WNT2: variants seen among roughly 807,000 people sequenced by gnomAD.
WNT2 encodes the protein Wnt family member 2, also known as protein Wnt-2.
A neutral mutation model predicts 36.9 loss-of-function variants in WNT2; 12 were observed. The ratio of observed to expected loss-of-function variants is 0.33; its 90% CI spans 0.21 to 0.53. The LOEUF is 0.53. Among genes scored for constraint, WNT2 ranks in the 20% least tolerant of loss-of-function variants. The pLI is 0.95. For missense variants in WNT2, 379 were observed against 473.1 expected, an observed-to-expected ratio of 0.80 and a Z score of 1.84; for synonymous variants, 163 against 174.6, an observed-to-expected ratio of 0.93 and a Z score of 0.52.
At chr7:117,286,677 T>C (rs1328777291) in intron 4 of WNT2, among the ~76,000 whole-genome samples, 1 of 152,136 alleles carries the variant, frequency 6.6e-6, no homozygotes, top group Non-Finnish European at 1.5e-5. Context: ...AACTAAAGTA[T>C]GTTAAAGAGC....
chr7:117,316,005 C>T (rs982350537), intron 2 of WNT2, among the ~76,000 whole-genome samples: 12 of 152,186 alleles, frequency 7.9e-5, no homozygotes, highest in East Asian at 1.9e-4. Context: ...ATGCAATATC[C>T]TTGAGTTACA....
rs1794387418 is a variant in WNT2, at chr7:117,276,785, A to G, written c.*1370T>C. 6.6e-6 allele frequency: 1 copy of G among 152,156 alleles called. No homozygotes were observed. Among genetic ancestry groups the G allele is most frequent in the Admixed American group, 6.5e-5 (1 of 15,272 alleles). The allele number at this position is 152,156 out of a possible 1,614,324, so 9.4% of individuals were successfully genotyped here. On this transcript the variant is annotated 3_prime_UTR_variant, in exon 5 of 5. Coordinates refer to ENST00000265441, the MANE Select transcript of WNT2 (RefSeq NM_003391.3). ...AAAAAACGGTGCAGGCAGCCTCTCC[A>G]TTTTCCCTGAATGTCATCTTTTGGC...
chr7:117,315,998 C>G (rs775487295), intron 2 of WNT2, among the ~76,000 whole-genome samples: 29 of 152,154 alleles, frequency 1.9e-4, no homozygotes, highest in Non-Finnish European at 4.1e-4. Context: ...AGGCAGTATG[C>G]AATATCCTTG....
chr7:117,290,766 A>G (rs1162944746), intron 4 of WNT2, among the ~76,000 whole-genome samples: 2 of 152,214 alleles, frequency 1.3e-5, no homozygotes, highest in Admixed American at 1.3e-4. Flanking sequence ...TTCAAGGACC[A>G]TGAAGTCGAT....
chr7:117,320,851 A>C, intron 1 of WNT2, 58 bp from the exon 2 acceptor site: 1 of 1,463,896 alleles, frequency 6.8e-7, no homozygotes, highest in South Asian at 1.2e-5. Context: ...GGCCTGGCTC[A>C]GTGTTCCTGG....
chr7:117,320,755 C>G lies in WNT2; in HGVS notation c.122G>C (p.Cys41Ser). The G allele has an allele frequency of 6.2e-7, 1 of 1,613,438 alleles. No individual in the cohort carries two copies. The highest frequency in any genetic ancestry group is 8.5e-7 in the Non-Finnish European group (1 of 1,179,970). ...GCTCACCAGGCCTGGCACATTATCG[C>G]ACATCACCCTGGAGGAGCCACCTGT... ...RATGGSSRVMCDNVPGLVSSQ... is the reference protein window; with the variant it reads ...RATGGSSRVMSDNVPGLVSSQ... The change falls in exon 2 of 5, where the codon TGC becomes TCC. Residue 41 changes from cysteine (C) to serine (S), a missense_variant. Coordinates refer to ENST00000265441, the MANE Select transcript of WNT2 (RefSeq NM_003391.3).
At position 117,275,562 on chromosome 7, in the gene WNT2, G is replaced by A. The variant is rs1418571324; in HGVS notation, c.*2593C>T. Among the ~76,000 whole-genome samples, 1 of 152,068 alleles carries A rather than the reference G, an allele frequency of 6.6e-6. No individual in the cohort carries two copies. Among genetic ancestry groups the A allele is most frequent in the Non-Finnish European group, 1.5e-5 (1 of 68,018 alleles). ...TTTTAATAAAGAGGGAATTTATAAG[G>A]GGATTTCCCAATTATTTTGTTTTGG... On this transcript the variant is annotated 3_prime_UTR_variant, in exon 5 of 5. Transcript: ENST00000265441.
intron 3 of WNT2, among the ~76,000 whole-genome samples, chr7:117,300,416 AC>A (rs1483906514): frequency 6.6e-6 from 1 of 151,914 alleles, no homozygotes; most frequent in Admixed American, 6.5e-5. Context: ...TGATCTCTTG[AC>A]CTTTTGATCC....
intron 3 of WNT2, among the ~76,000 whole-genome samples, chr7:117,312,387 T>C (rs959666959): frequency 6.6e-6 from 1 of 152,226 alleles, no homozygotes; most frequent in African/African-American, 2.4e-5. Flanking sequence ...TTTCATCATG[T>C]TGCCCAGGCT....
intron 3 of WNT2, among the ~76,000 whole-genome samples, chr7:117,311,244 T>C (rs1795116710): frequency 1.3e-5 from 2 of 152,308 alleles, no homozygotes; most frequent in East Asian, 1.9e-4. Flanking sequence ...TTTTAGAAAA[T>C]GTGTGAAGAC....
intron 2 of WNT2, among the ~76,000 whole-genome samples, chr7:117,318,830 T>C (rs1473560749): frequency 6.6e-6 from 1 of 152,318 alleles, no homozygotes; most frequent in Non-Finnish European, 1.5e-5. Context: ...ACCTCCTTCA[T>C]CTCAGCAATT....
intron 4 of WNT2, among the ~76,000 whole-genome samples, chr7:117,281,343 T>C (rs1266166028): frequency 6.6e-6 from 1 of 152,114 alleles, no homozygotes; most frequent in Non-Finnish European, 1.5e-5. Flanking sequence ...GCTCAAGGAA[T>C]TCTCCCATCT....
chr7:117,319,282 A>T (rs975621887), intron 2 of WNT2, among the ~76,000 whole-genome samples: 2 of 152,236 alleles, frequency 1.3e-5, no homozygotes, highest in African/African-American at 4.8e-5. Context: ...GTCATATTGA[A>T]ACTCCAAAAG....
At chr7:117,301,735 T>G (rs1398694896) in intron 3 of WNT2, among the ~76,000 whole-genome samples, 1 of 151,886 alleles carries the variant, frequency 6.6e-6, no homozygotes, top group East Asian at 1.9e-4. Flanking sequence ...CTACTATAAA[T>G]CACATTGTGA....
intron 3 of WNT2, among the ~76,000 whole-genome samples, chr7:117,299,101 G>A (rs1794852153): frequency 6.6e-6 from 1 of 152,196 alleles, no homozygotes; most frequent in African/African-American, 2.4e-5. Flanking sequence ...ACAGGGACCT[G>A]GGCATCTTTA....
At chr7:117,290,978 A>G (rs1189949980) in intron 4 of WNT2, among the ~76,000 whole-genome samples, 2 of 152,236 alleles carry the variant, frequency 1.3e-5, no homozygotes, top group Non-Finnish European at 2.9e-5. Context: ...ATTTTTAATC[A>G]TGTTTAATCA....
intron 4 of WNT2, among the ~76,000 whole-genome samples, chr7:117,290,865 A>G (rs1794677242): frequency 6.6e-6 from 1 of 152,228 alleles, no homozygotes; most frequent in Admixed American, 6.5e-5. Context: ...GAGGATCTCA[A>G]TCAATATTTG....
chr7:117,297,335 T>C (rs897886655), intron 4 of WNT2, among the ~76,000 whole-genome samples: 6 of 152,018 alleles, frequency 3.9e-5, no homozygotes, highest in African/African-American at 1.4e-4. Flanking sequence ...CGCACCACCA[T>C]GCCCAGCTAA....
At chr7:117,292,910 G>T (rs946362053) in intron 4 of WNT2, among the ~76,000 whole-genome samples, 6 of 152,040 alleles carry the variant, frequency 3.9e-5, no homozygotes, top group African/African-American at 1.4e-4. Flanking sequence ...CTAATAATTA[G>T]GGAAAATTAG....
Sources: allele counts gnomAD v4.1 joint callset (sites outside exome capture counted in the v4.1 genomes callset), GRCh38; gene constraint gnomAD v4.1.1; transcripts MANE v1.5; gene names NCBI Gene and HGNC (gene_info 2026-07-23, HGNC 2026-07-21).